The following COMMD1 variants were observed in gnomAD, a reference collection of about 807,000 sequenced individuals.
COMMD1 encodes the protein COMM domain-containing protein 1.
In COMMD1, 10 loss-of-function variants were observed where a neutral mutation model predicts 17.2. That is an observed-to-expected ratio of 0.58 (90% CI 0.36 to 0.99). The LOEUF (loss-of-function observed/expected upper bound fraction) is 0.99, where lower values mean the gene tolerates loss of function less well. COMMD1 is among the 50% of genes least tolerant of loss of function. The pLI, the probability that COMMD1 is intolerant of heterozygous loss-of-function variation, is 0.01. For synonymous variants in COMMD1, 97 were observed against 91.6 expected, an observed-to-expected ratio of 1.06 and a Z score of -0.34; for missense variants, 270 against 231.8, an observed-to-expected ratio of 1.17 and a Z score of -1.07.
chr2:62,077,573 A>G lies in COMMD1; in HGVS notation c.463-58258A>G, dbSNP rs545268824. Among the ~76,000 whole-genome samples, 13 of 152,234 alleles carry G rather than the reference A, an allele frequency of 8.5e-5. No homozygotes were observed. In the East Asian group the frequency reaches 1.3e-3, roughly 16 times the overall value. On this transcript the variant is annotated intron_variant, in intron 2 of 2. Coordinates refer to ENST00000311832, the MANE Select transcript of COMMD1 (RefSeq NM_152516.4). ...TTACTTCACATTGTGGACAGGATCT[A>G]TTTATATTTCTCTCTCTTCTATGGG...
At chr2:62,128,021 CAAAAAA>C (rs56019037) in intron 2 of COMMD1, among the ~76,000 whole-genome samples, 1 of 103,256 alleles carries the variant, frequency 9.7e-6, no homozygotes, top group Non-Finnish European at 2.0e-5. Flanking sequence ...GACTCTATCT[CAAAAAA>C]AAAAAAAAAA....
chr2:61,966,916 T>C (rs560257463), intron 1 of COMMD1, among the ~76,000 whole-genome samples: 1 of 152,272 alleles, frequency 6.6e-6, no homozygotes, highest in Admixed American at 6.5e-5. Context: ...CAGTGGTTTT[T>C]AAAAATTTAC....
At chr2:62,044,891 C>T (rs1159112792) in intron 2 of COMMD1, among the ~76,000 whole-genome samples, 2 of 150,804 alleles carry the variant, frequency 1.3e-5, no homozygotes, top group Non-Finnish European at 2.9e-5. Flanking sequence ...TATCAAAGAG[C>T]TTCTATCATC....
chr2:62,118,456 A>C (rs1672660806), intron 2 of COMMD1: 1 of 152,238 alleles, frequency 6.6e-6, no homozygotes, highest in African/African-American at 2.4e-5. Context: ...AGAAGTTTGC[A>C]TGAAGCTATT....
At chr2:61,947,160 A>G (rs1409475278) in intron 1 of COMMD1, among the ~76,000 whole-genome samples, 2 of 152,196 alleles carry the variant, frequency 1.3e-5, no homozygotes, top group African/African-American at 4.8e-5. Flanking sequence ...TAAGAGACCC[A>G]AATATCTTTA....
At chr2:62,074,818 G>C (rs565898051) in intron 2 of COMMD1, among the ~76,000 whole-genome samples, 1 of 151,096 alleles carries the variant, frequency 6.6e-6, no homozygotes, top group African/African-American at 2.4e-5. Context: ...GGCATAGATT[G>C]CAAGCTGATG....
intron 2 of COMMD1, among the ~76,000 whole-genome samples, chr2:62,066,991 G>T (rs148345929): frequency 0.077 from 11,710 of 152,184 alleles, 1,043 homozygotes; most frequent in African/African-American, 0.22. Flanking sequence ...CTCCCAAAAT[G>T]CTGGGATTAC....
At chr2:61,940,841 C>A (rs1055019124) in intron 1 of COMMD1, among the ~76,000 whole-genome samples, 15 of 151,690 alleles carry the variant, frequency 9.9e-5, no homozygotes, top group Non-Finnish European at 1.9e-4. Flanking sequence ...CGCCTGCCAC[C>A]ATGCCCGGGT....
At chr2:62,033,961 A>T (rs1427861360) in intron 2 of COMMD1, among the ~76,000 whole-genome samples, 1 of 151,974 alleles carries the variant, frequency 6.6e-6, no homozygotes, top group African/African-American at 2.4e-5. Context: ...ATGTAAAAAA[A>T]ATAGCCAGGC....
At chr2:61,979,434 G>A (rs542617510) in intron 1 of COMMD1, among the ~76,000 whole-genome samples, 13 of 152,150 alleles carry the variant, frequency 8.5e-5, no homozygotes, top group Middle Eastern at 3.4e-3. Flanking sequence ...CCGAGATCAC[G>A]CCACTGCACT....
At chr2:62,092,015 C>A (rs549738819) in intron 2 of COMMD1, among the ~76,000 whole-genome samples, 14 of 152,274 alleles carry the variant, frequency 9.2e-5, no homozygotes, top group African/African-American at 2.6e-4. Context: ...TGATCTGTAT[C>A]ATACCAAATG....
rs182677677 is a variant in COMMD1, at chr2:62,125,167, T to C, written c.463-10664T>C. ...CACTAATACTGTAATACTTAGTCCTTTTCTAGGAGATTGTGAGAATATGGA... is the reference window on the plus strand; with the variant it reads ...CACTAATACTGTAATACTTAGTCCTCTTCTAGGAGATTGTGAGAATATGGA... On this transcript the variant is annotated intron_variant, in intron 2 of 2. Coordinates refer to ENST00000311832, the MANE Select transcript of COMMD1 (RefSeq NM_152516.4). Among the ~76,000 whole-genome samples the C allele has an allele frequency of 3.1e-3, 467 of 152,336 alleles. 7 individuals are homozygous for C. Among genetic ancestry groups the C allele is most frequent in the Non-Finnish European group, 2.1e-3 (144 of 68,030 alleles).
At chr2:61,934,018 GC>G (rs1670538648) in intron 1 of COMMD1, among the ~76,000 whole-genome samples, 1 of 152,154 alleles carries the variant, frequency 6.6e-6, no homozygotes, top group Non-Finnish European at 1.5e-5. Flanking sequence ...GCCCACCTCA[GC>G]CTCTCAAAGT....
At chr2:62,130,574 TATG>T (rs1673002960) in intron 2 of COMMD1, among the ~76,000 whole-genome samples, 1 of 152,190 alleles carries the variant, frequency 6.6e-6, no homozygotes. Context: ...TAATCCTAAA[TATG>T]ATCCATAAAT....
intron 1 of COMMD1, among the ~76,000 whole-genome samples, chr2:61,938,163 T>C (rs2103627234): frequency 6.6e-6 from 1 of 152,148 alleles, no homozygotes; most frequent in East Asian, 1.9e-4. Flanking sequence ...AATGATAATT[T>C]GGCAGCACCA....
chr2:62,102,358 C>G (rs973133876), intron 2 of COMMD1, among the ~76,000 whole-genome samples: 1 of 152,200 alleles, frequency 6.6e-6, no homozygotes, highest in Admixed American at 6.5e-5. Flanking sequence ...AGTACAGATG[C>G]CATTTCCTTC....
rs754854575 is a variant in COMMD1 at position 61,905,723 on chromosome 2, G to T, written c.45G>T (p.Leu15=). 1 of 1,609,082 alleles carries T rather than the reference G, an allele frequency of 6.2e-7. No homozygotes were observed. Among genetic ancestry groups the T allele is most frequent in the South Asian group, 1.1e-5 (1 of 90,322 alleles). Reference sequence around the variant, plus strand: ...AGGGTGGCAAACCCCTGAGCGGGCTGCTGAATGCGCTGGCCCAGGACACTT... The same window carrying T: ...AGGGTGGCAAACCCCTGAGCGGGCTTCTGAATGCGCTGGCCCAGGACACTT... ...ELEGGKPLSG[L]LNALAQDTFH... Residue 15 remains leucine, a synonymous_variant, in exon 1 of 3, where the codon CTG becomes CTT. Transcript: ENST00000311832.
At chr2:62,077,297 G>T (rs541384101) in intron 2 of COMMD1, among the ~76,000 whole-genome samples, 1 of 152,092 alleles carries the variant, frequency 6.6e-6, no homozygotes. Flanking sequence ...TATTTTGTTA[G>T]GTATACTTGT....
chr2:61,932,552 G>A (rs1039049360), intron 1 of COMMD1, among the ~76,000 whole-genome samples: 9 of 152,200 alleles, frequency 5.9e-5, no homozygotes, highest in African/African-American at 1.7e-4. Context: ...TATGGTTTGA[G>A]TGTGTTCTCC....
Sources: gnomAD v4.1 joint callset for allele counts (sites outside exome capture counted in the v4.1 genomes callset) on GRCh38, gnomAD v4.1.1 for gene constraint, MANE v1.5 for transcripts, NCBI Gene and HGNC (gene_info 2026-07-23, HGNC 2026-07-21) for gene names.